The following ANKS1B variants were observed in gnomAD, a reference collection of about 807,000 sequenced individuals.
ANKS1B encodes the protein ankyrin repeat and sterile alpha motif domain-containing protein 1B.
Under a neutral mutation model 148.3 loss-of-function variants are expected in ANKS1B, and 36 were observed. That is an observed-to-expected ratio of 0.24 (90% CI 0.19 to 0.32). The LOEUF (loss-of-function observed/expected upper bound fraction) is 0.32, where lower values mean the gene tolerates loss of function less well. Ranked by LOEUF, ANKS1B falls within the 10% of genes least tolerant of loss-of-function variation. The pLI, the probability that ANKS1B is intolerant of heterozygous loss-of-function variation, is 1.00. For synonymous variants in ANKS1B, 542 were observed against 560.8 expected (o/e 0.97, Z 0.47); for missense variants, 1,157 against 1,542.6 (o/e 0.75, Z 4.19).
Position 98,897,453 on chromosome 12 carries a change from C to T in ANKS1B, c.2779-65317G>A, listed in dbSNP as rs1045843912. Among the ~76,000 whole-genome samples, 4 of 151,786 alleles carry T rather than the reference C, an allele frequency of 2.6e-5. No homozygotes were observed. In the East Asian group the frequency reaches 7.7e-4, roughly 29 times the overall value. On this transcript the variant is annotated intron_variant, in intron 17 of 26. Coordinates refer to ENST00000683438, the MANE Select transcript of ANKS1B (RefSeq NM_001352186.2). ...CAAACGAAGACATACAAGTGGCCAA[C>T]AAACACATGAAAAATGCTCACCATT...
At chr12:99,352,472 A>C (rs938844562) in intron 12 of ANKS1B, among the ~76,000 whole-genome samples, 1 of 152,026 alleles carries the variant, frequency 6.6e-6, no homozygotes, top group Non-Finnish European at 1.5e-5. Flanking sequence ...TTCAAAAAAA[A>C]CCACACTGAC....
At chr12:99,191,523 G>T (rs900460647) in intron 14 of ANKS1B, among the ~76,000 whole-genome samples, 6 of 152,184 alleles carry the variant, frequency 3.9e-5, no homozygotes, top group African/African-American at 1.4e-4. Context: ...CCATAAAAAG[G>T]ATGAGTTCAT....
intron 8 of ANKS1B, among the ~76,000 whole-genome samples, chr12:99,681,275 AAAG>A (rs952158337): frequency 6.6e-6 from 1 of 152,216 alleles, no homozygotes; most frequent in African/African-American, 2.4e-5. Flanking sequence ...AACCCACTCC[AAAG>A]AAGAAGAAAA....
intron 8 of ANKS1B, among the ~76,000 whole-genome samples, chr12:99,692,072 A>G (rs1172705914): frequency 1.3e-5 from 2 of 152,192 alleles, no homozygotes; most frequent in African/African-American, 4.8e-5. Context: ...ATTTGTTGTT[A>G]AAAGTGGGAA....
chr12:99,426,812 C>T (rs7303926), intron 11 of ANKS1B, among the ~76,000 whole-genome samples: 64,148 of 151,904 alleles, frequency 0.42, 15,780 homozygotes, highest in African/African-American at 0.68. Flanking sequence ...AAAACTTATA[C>T]AAACCAAACA....
intron 13 of ANKS1B, among the ~76,000 whole-genome samples, chr12:99,245,769 T>C (rs1261329766): frequency 6.6e-6 from 1 of 152,208 alleles, no homozygotes; most frequent in South Asian, 2.1e-4. Flanking sequence ...ATTTCCCTGA[T>C]AGCTGCAAAA....
chr12:99,123,128 G>T (rs551529100), intron 15 of ANKS1B, among the ~76,000 whole-genome samples: 4 of 151,840 alleles, frequency 2.6e-5, no homozygotes, highest in African/African-American at 9.7e-5. Context: ...TGGTTTGAGG[G>T]GCAAGAAGGG....
At chr12:99,619,822 C>A (rs1471147085) in intron 9 of ANKS1B, among the ~76,000 whole-genome samples, 1 of 152,190 alleles carries the variant, frequency 6.6e-6, no homozygotes, top group Non-Finnish European at 1.5e-5. Flanking sequence ...TTGGAGGCCA[C>A]CCACTGGATT....
chr12:98,775,350 G>A (rs986661065), intron 24 of ANKS1B, among the ~76,000 whole-genome samples: 11 of 152,152 alleles, frequency 7.2e-5, no homozygotes, highest in African/African-American at 2.7e-4. Context: ...ACTGTGGCCT[G>A]GGGGAAAGTT....
intron 14 of ANKS1B, among the ~76,000 whole-genome samples, chr12:99,189,327 A>C (rs1439374227): frequency 3.9e-5 from 6 of 152,096 alleles, no homozygotes; most frequent in Non-Finnish European, 8.8e-5. Flanking sequence ...GAGGGACTCC[A>C]CCCTAACTCA....
At chr12:99,939,526 C>T (rs79063359) in intron 1 of ANKS1B, among the ~76,000 whole-genome samples, 1 of 152,074 alleles carries the variant, frequency 6.6e-6, no homozygotes, top group Non-Finnish European at 1.5e-5. Flanking sequence ...CCACTGTGCC[C>T]GGCCACATGA....
At chr12:99,316,908 A>G (rs2084218890) in intron 12 of ANKS1B, among the ~76,000 whole-genome samples, 1 of 152,156 alleles carries the variant, frequency 6.6e-6, no homozygotes. Context: ...TTTTCCCAGC[A>G]CCATTTATTA....
chr12:98,847,414 T>C (rs2153744014), intron 17 of ANKS1B, among the ~76,000 whole-genome samples: 1 of 152,332 alleles, frequency 6.6e-6, no homozygotes, highest in South Asian at 2.1e-4. Context: ...TTCAGGTTCA[T>C]CCATATTGTT....
intron 9 of ANKS1B, among the ~76,000 whole-genome samples, chr12:99,569,367 T>C (rs1388013889): frequency 6.6e-6 from 1 of 152,214 alleles, no homozygotes; most frequent in African/African-American, 2.4e-5. Flanking sequence ...TTATACTAGC[T>C]GTATAACCTT....
chr12:98,991,244 T>A (rs1194427351), intron 17 of ANKS1B, among the ~76,000 whole-genome samples: 1 of 152,092 alleles, frequency 6.6e-6, no homozygotes, highest in African/African-American at 2.4e-5. Context: ...TAAATGGGGG[T>A]ACCATGAAGA....
In ANKS1B at chr12:99,246,384, G is replaced by A. The variant is rs1475287234; in HGVS notation, c.2237C>T (p.Pro746Leu). Reference sequence around the variant, plus strand: ...AACTCTTGATGTTTTCTCATTGGAAGGATAGGCAATGAGATCAGAATCAGA... The same window carrying A: ...AACTCTTGATGTTTTCTCATTGGAAAGATAGGCAATGAGATCAGAATCAGA... The part of the protein sequence containing the change: ...SKSDSDLIAY[P>L]SNEKTSRVNW... Residue 746 changes from proline (P) to leucine (L), a missense_variant, in exon 13 of 27, where the codon CCT becomes CTT. By Grantham distance (98) the Pro-to-Leu change is moderately conservative. Transcript: ENST00000683438. 5.0e-6 allele frequency: 8 copies of A among 1,613,622 alleles called. No homozygotes were observed. The African/African-American group carries it at 5.3e-5, about 11-fold the overall frequency.
chr12:99,919,387 T>C (rs1204972244), intron 1 of ANKS1B, among the ~76,000 whole-genome samples: 1 of 152,196 alleles, frequency 6.6e-6, no homozygotes, highest in East Asian at 1.9e-4. Context: ...ATAGTTTCCT[T>C]CTTCATAGGT....
At chr12:99,093,270 G>A (rs555190401) in intron 15 of ANKS1B, 6 of 152,312 alleles carry the variant, frequency 3.9e-5, no homozygotes, top group Non-Finnish European at 1.5e-5. Context: ...CTACCTTAGT[G>A]TATTCCAGAA....
chr12:99,565,989 T>C (rs2097388397), intron 9 of ANKS1B, among the ~76,000 whole-genome samples: 1 of 152,166 alleles, frequency 6.6e-6, no homozygotes, highest in South Asian at 2.1e-4. Flanking sequence ...ACACCCTTAA[T>C]CTCTTGAAAA....
Sources: gnomAD v4.1 joint callset for allele counts (sites outside exome capture counted in the v4.1 genomes callset) on GRCh38, gnomAD v4.1.1 for gene constraint, MANE v1.5 for transcripts, NCBI Gene and HGNC (gene_info 2026-07-23, HGNC 2026-07-21) for gene names.